Variants in COMMD1 observed in about 807,000 individuals in gnomAD.
COMMD1 encodes the protein COMM domain-containing protein 1.
Under a neutral mutation model 17.2 loss-of-function variants are expected in COMMD1, and 10 were observed. That is an observed-to-expected ratio of 0.58 (90% CI 0.36 to 0.99). COMMD1 has a LOEUF of 0.99. Ranked by LOEUF, COMMD1 falls within the 50% of genes least tolerant of loss-of-function variation. COMMD1 has a pLI of 0.01. For missense variants in COMMD1, 270 were observed against 231.8 expected, an observed-to-expected ratio of 1.17 and a Z score of -1.07; for synonymous variants, 97 against 91.6, an observed-to-expected ratio of 1.06 and a Z score of -0.34.
At chr2:62,032,985 G>A (rs1669948763) in intron 2 of COMMD1, among the ~76,000 whole-genome samples, 1 of 152,176 alleles carries the variant, frequency 6.6e-6, no homozygotes, top group Non-Finnish European at 1.5e-5. Flanking sequence ...GGTGAGGCTG[G>A]TCTTGAACTC....
chr2:62,095,199 A>G (rs915191730), intron 2 of COMMD1, among the ~76,000 whole-genome samples: 2 of 152,222 alleles, frequency 1.3e-5, no homozygotes, highest in Non-Finnish European at 2.9e-5. Context: ...TCTTTCAGGC[A>G]TTTGATTTGA....
intron 2 of COMMD1, among the ~76,000 whole-genome samples, chr2:62,038,858 A>G (rs1354207368): frequency 6.6e-6 from 1 of 151,796 alleles, no homozygotes; most frequent in Non-Finnish European, 1.5e-5. Context: ...CTGTTTCCTT[A>G]TTTTTTTAAT....
intron 2 of COMMD1, among the ~76,000 whole-genome samples, chr2:62,103,188 CA>C (rs1443557478): frequency 3.3e-5 from 5 of 152,132 alleles, no homozygotes; most frequent in African/African-American, 7.2e-5. Context: ...CCATGTTAGC[CA>C]GAACGATCTC....
At chr2:61,897,681 G>A (rs192791398) in intron 1 of COMMD1, among the ~76,000 whole-genome samples, 67 of 152,142 alleles carry the variant, frequency 4.4e-4, no homozygotes, top group Admixed American at 2.9e-3. Flanking sequence ...CCCAGGAGGC[G>A]GAGGTTGCAG....
intron 2 of COMMD1, among the ~76,000 whole-genome samples, chr2:62,086,703 C>A (rs1346610416): frequency 1.3e-5 from 2 of 152,106 alleles, no homozygotes; most frequent in East Asian, 3.8e-4. Context: ...GTGAATAGTG[C>A]TTTGTTCTTA....
chr2:61,963,297 C>T (rs1435921871), intron 1 of COMMD1, among the ~76,000 whole-genome samples: 1 of 151,392 alleles, frequency 6.6e-6, no homozygotes, highest in Non-Finnish European at 1.5e-5. Flanking sequence ...ATGTGTTGTT[C>T]CACCAAATTA....
chr2:61,947,703 A>AT (rs1005347768), intron 1 of COMMD1, among the ~76,000 whole-genome samples: 2,360 of 146,664 alleles, frequency 0.016, 63 homozygotes, highest in African/African-American at 0.058. Context: ...AACAAAAAAA[A>AT]TTTTTTTTTG....
At chr2:61,908,186 G>A (rs1448378256) in intron 1 of COMMD1, among the ~76,000 whole-genome samples, 2 of 151,656 alleles carry the variant, frequency 1.3e-5, no homozygotes, top group Admixed American at 6.6e-5. Flanking sequence ...GGCTGAAACC[G>A]TGGGCTCAGG....
At chr2:61,933,297 A>G (rs1315198683) in intron 1 of COMMD1, among the ~76,000 whole-genome samples, 1 of 151,816 alleles carries the variant, frequency 6.6e-6, no homozygotes, top group Admixed American at 6.6e-5. Flanking sequence ...AGCCGCTTGT[A>G]TCCCTGATGC....
chr2:62,025,362 C>CA (rs200900298), intron 2 of COMMD1, among the ~76,000 whole-genome samples: 1,957 of 151,876 alleles, frequency 0.013, 30 homozygotes, highest in African/African-American at 0.044. Flanking sequence ...CCCATCTCTA[C>CA]AAAAAAATTC....
intron 2 of COMMD1, among the ~76,000 whole-genome samples, chr2:62,123,658 G>A (rs1218755487): frequency 6.6e-6 from 1 of 151,908 alleles, no homozygotes; most frequent in Non-Finnish European, 1.5e-5. Context: ...GTATCTTATA[G>A]GAATTATAGA....
At chr2:61,954,912 C>T (rs539053546) in intron 1 of COMMD1, among the ~76,000 whole-genome samples, 6 of 152,096 alleles carry the variant, frequency 3.9e-5, no homozygotes, top group East Asian at 1.9e-4. Context: ...TGACCTCAAG[C>T]GATCCACCCG....
At chr2:61,946,673 A>C (rs1670915699) in intron 1 of COMMD1, among the ~76,000 whole-genome samples, 1 of 152,210 alleles carries the variant, frequency 6.6e-6, no homozygotes, top group African/African-American at 2.4e-5. Flanking sequence ...TCAGTACACT[A>C]TTGATATTAA....
At chr2:61,996,874 G>C (rs999792826) in intron 1 of COMMD1, among the ~76,000 whole-genome samples, 2 of 152,084 alleles carry the variant, frequency 1.3e-5, no homozygotes, top group Non-Finnish European at 2.9e-5. Context: ...ATGAGGGATG[G>C]AATCAACTTC....
chr2:61,957,590 C>CA (rs964788095), intron 1 of COMMD1, among the ~76,000 whole-genome samples: 1 of 151,084 alleles, frequency 6.6e-6, no homozygotes, highest in African/African-American at 2.4e-5. Flanking sequence ...TTTTTCATTA[C>CA]AAAAAAAATT....
chr2:62,004,468 A>T (rs1669058233), intron 2 of COMMD1, among the ~76,000 whole-genome samples: 2 of 151,840 alleles, frequency 1.3e-5, no homozygotes, highest in Admixed American at 1.3e-4. Flanking sequence ...TGCCTGGCTT[A>T]TTTTTTGTAT....
intron 2 of COMMD1, among the ~76,000 whole-genome samples, chr2:62,005,876 C>T (rs1669098187): frequency 6.6e-6 from 1 of 151,478 alleles, no homozygotes; most frequent in African/African-American, 2.4e-5. Flanking sequence ...AATCATGCTG[C>T]TATAAAGACA....
chr2:62,108,153 A>G (rs1672366920), intron 2 of COMMD1, among the ~76,000 whole-genome samples: 1 of 152,194 alleles, frequency 6.6e-6, no homozygotes, highest in Non-Finnish European at 1.5e-5. Context: ...TAAAGTATAC[A>G]TTGGCATCAC....
rs1051318256 is a variant in COMMD1 at position 62,078,051 on chromosome 2, G to A, written c.463-57780G>A. 7.9e-5 allele frequency among the ~76,000 whole-genome samples: 12 copies of A among 151,052 alleles called. No homozygotes were observed. The South Asian group carries it at 1.1e-3, about 13-fold the overall frequency. On this transcript the variant is annotated intron_variant, in intron 2 of 2. Transcript: ENST00000311832. ...AGAACTTTGGGAGGCCGAAGCAGGC[G>A]GATCACGAGGTCAGGAGATCGAGAC...
Sources: allele counts gnomAD v4.1 joint callset (sites outside exome capture counted in the v4.1 genomes callset), GRCh38; gene constraint gnomAD v4.1.1; transcripts MANE v1.5; gene names NCBI Gene and HGNC (gene_info 2026-07-23, HGNC 2026-07-21).